Variants in CAPSL observed in about 807,000 individuals in gnomAD.
CAPSL encodes the protein calcyphosin-like protein.
CAPSL carries 17 observed loss-of-function variants against 21.3 expected under a neutral mutation model. The ratio of observed to expected loss-of-function variants is 0.80; its 90% CI spans 0.55 to 1.20. The LOEUF is 1.20. Ranked by LOEUF, CAPSL falls within the 50% of genes most tolerant of loss-of-function variation. The probability of loss-of-function intolerance (pLI) is 0.00; values close to 1 mark genes in which losing one functional copy is unlikely to be tolerated. For synonymous variants in CAPSL, 102 were observed against 89.3 expected (o/e 1.14, Z -0.80); for missense variants, 289 against 259.3 (o/e 1.11, Z -0.79).
Position 35,921,045 on chromosome 5 carries a change from TG to T in CAPSL, c.75del (p.Ile26LeufsTer40). On this transcript the variant is annotated frameshift_variant, in exon 2 of 5. Transcript: ENST00000651391. LOFTEE classifies it high-confidence loss of function. The stretch of plus-strand genomic sequence containing the variant: ...AGGCACTGCAGTCGGAGTCTTTCAA[TG>T]GGGTCGGTGGCCGTGGTGAGCTTTT... ...AKKKLTTATDPIERLRLQCLA... is the reference protein window; with the variant it reads ...AKKKLTTATDXIERLRLQCLA... The T allele has an allele frequency of 6.2e-7, 1 of 1,614,098 alleles. No individual in the cohort carries two copies. Among genetic ancestry groups the T allele is most frequent in the Non-Finnish European group, 8.5e-7 (1 of 1,180,012 alleles).
At chr5:35,916,958 C>T (rs1368976351) in intron 2 of CAPSL, among the ~76,000 whole-genome samples, 3 of 152,076 alleles carry the variant, frequency 2.0e-5, no homozygotes, top group Non-Finnish European at 2.9e-5. Context: ...ATTTTTGCAA[C>T]CTACTCATCT....
At chr5:35,904,741 A>G in intron 4 of CAPSL, 95 bp from the exon 5 acceptor site, 5 of 1,532,820 alleles carry the variant, frequency 3.3e-6, no homozygotes, top group Non-Finnish European at 4.4e-6. Context: ...AGGGAAATAG[A>G]GGATTTCTTT....
intron 1 of CAPSL, among the ~76,000 whole-genome samples, chr5:35,926,929 GA>G (rs1316108182): frequency 2.0e-5 from 3 of 152,200 alleles, no homozygotes; most frequent in Non-Finnish European, 4.4e-5. Flanking sequence ...AAAGGGAACC[GA>G]AGCAGGTTTA....
At chr5:35,918,380 A>T (rs1738446871) in intron 2 of CAPSL, among the ~76,000 whole-genome samples, 1 of 152,164 alleles carries the variant, frequency 6.6e-6, no homozygotes, top group Admixed American at 6.5e-5. Flanking sequence ...ACATCGCATG[A>T]TCTCACTCGT....
intron 2 of CAPSL, among the ~76,000 whole-genome samples, chr5:35,915,540 G>T (rs571793777): frequency 2.1e-4 from 32 of 152,302 alleles, no homozygotes; most frequent in Non-Finnish European, 4.3e-4. Context: ...TCCCTGGGAT[G>T]CAAGGCTGGT....
At chr5:35,911,940 T>A (rs918409118) in intron 2 of CAPSL, among the ~76,000 whole-genome samples, 8 of 151,606 alleles carry the variant, frequency 5.3e-5, no homozygotes, top group Non-Finnish European at 1.2e-4. Context: ...GCGCAAGGGG[T>A]CAGGGAATTC....
intron 1 of CAPSL, among the ~76,000 whole-genome samples, chr5:35,925,204 A>G (rs1738640779): frequency 1.3e-5 from 2 of 152,252 alleles, no homozygotes; most frequent in African/African-American, 4.8e-5. Context: ...GGTAGGATGA[A>G]AGCAGGACCA....
intron 1 of CAPSL, among the ~76,000 whole-genome samples, chr5:35,936,431 T>C (rs1161481237): frequency 1.3e-5 from 2 of 152,162 alleles, no homozygotes; most frequent in Non-Finnish European, 2.9e-5. Flanking sequence ...CAAACTATTT[T>C]AAAGAATTTC....
intron 2 of CAPSL, among the ~76,000 whole-genome samples, 153 bp from the exon 3 acceptor site, chr5:35,910,696 C>G (rs550433833): frequency 1.3e-5 from 2 of 152,008 alleles, no homozygotes; most frequent in East Asian, 1.9e-4. Flanking sequence ...AACTGGAGAG[C>G]CTCTTCCCAC....
rs1322298218 is a variant in CAPSL at position 35,920,975 on chromosome 5, G to A, written c.137+9C>T. The A allele has an allele frequency of 1.9e-6, 3 of 1,613,008 alleles. No homozygotes were observed. The highest frequency in any genetic ancestry group is 2.5e-6 in the Non-Finnish European group (3 of 1,179,602). On this transcript the variant is annotated intron_variant, in intron 2 of 4. Coordinates refer to ENST00000651391, the MANE Select transcript of CAPSL (RefSeq NM_001042625.2). ...GCTCCATTCCCTGCCACTTGTAGCT[G>A]GGTCCTACCTGCCAAGTCCTTTGAT...
chr5:35,927,224 G>A (rs1489377305), intron 1 of CAPSL, among the ~76,000 whole-genome samples: 1 of 152,180 alleles, frequency 6.6e-6, no homozygotes, highest in Admixed American at 6.5e-5. Context: ...GTCCAGCCTT[G>A]TGACAACAGC....
chr5:35,934,095 A>C (rs1327906830), intron 1 of CAPSL, among the ~76,000 whole-genome samples: 1 of 152,216 alleles, frequency 6.6e-6, no homozygotes, highest in Non-Finnish European at 1.5e-5. Context: ...GTGAACCTTG[A>C]TATGTTTTCT....
chr5:35,919,793 G>T (rs1471979827), intron 2 of CAPSL, among the ~76,000 whole-genome samples: 1 of 152,180 alleles, frequency 6.6e-6, no homozygotes, highest in Non-Finnish European at 1.5e-5. Flanking sequence ...AAAGGCTTAG[G>T]ATGGAACGGT....
At chr5:35,929,605 G>A (rs1173734403) in intron 1 of CAPSL, among the ~76,000 whole-genome samples, 8 of 152,124 alleles carry the variant, frequency 5.3e-5, no homozygotes, top group Admixed American at 4.6e-4. Flanking sequence ...ACAGTTCTAA[G>A]TCACTGCATT....
At chr5:35,927,496 C>A (rs1738716307) in intron 1 of CAPSL, among the ~76,000 whole-genome samples, 1 of 152,178 alleles carries the variant, frequency 6.6e-6, no homozygotes, top group Non-Finnish European at 1.5e-5. Flanking sequence ...GTTGATGAGG[C>A]TTGTAGGGCA....
intron 1 of CAPSL, among the ~76,000 whole-genome samples, chr5:35,934,013 T>G (rs1227874745): frequency 6.6e-6 from 1 of 152,164 alleles, no homozygotes; most frequent in African/African-American, 2.4e-5. Flanking sequence ...ATTTCTACAG[T>G]TCAGTGTCTT....
In CAPSL at chr5:35,910,502, T is replaced by G. The variant is rs201588644; in HGVS notation, c.179A>C (p.Asp60Ala). The G allele has an allele frequency of 2.7e-5, 44 of 1,612,138 alleles. No individual in the cohort carries two copies. Among genetic ancestry groups the G allele is most frequent in the Admixed American group, 1.5e-4 (9 of 59,904 alleles). ...TAACCCTTTCATAAATTCTTTAAAA[T>G]CAAGGGTTCGATTATTATCGTCATC... is the stretch of plus-strand genomic sequence containing the variant. ...IMDDDNNRTL[D>A]FKEFMKGLND... The change falls in exon 3 of 5, where the codon GAT (aspartate) becomes GCT (alanine). Residue 60 changes from aspartate to alanine, a missense_variant. Coordinates refer to ENST00000651391, the MANE Select transcript of CAPSL (RefSeq NM_001042625.2).
chr5:35,936,733 T>A (rs924756487), intron 1 of CAPSL, among the ~76,000 whole-genome samples: 3 of 152,216 alleles, frequency 2.0e-5, no homozygotes, highest in Non-Finnish European at 4.4e-5. Context: ...TAAGTGCTGT[T>A]TCTCAGGCTT....
intron 1 of CAPSL, among the ~76,000 whole-genome samples, chr5:35,934,289 C>T (rs1738890967): frequency 6.6e-6 from 1 of 152,224 alleles, no homozygotes; most frequent in Admixed American, 6.5e-5. Flanking sequence ...GACGTTGGCC[C>T]TCTTGGGACC....
Sources: allele counts gnomAD v4.1 joint callset (sites outside exome capture counted in the v4.1 genomes callset), GRCh38; gene constraint gnomAD v4.1.1; transcripts MANE v1.5; gene names NCBI Gene and HGNC (gene_info 2026-07-23, HGNC 2026-07-21).